SYCE2: variants seen among roughly 807,000 people sequenced by gnomAD.
SYCE2 encodes the protein central element synaptonemal complex 1.
A neutral mutation model predicts 27.9 loss-of-function variants in SYCE2; 3 were observed. The ratio of observed to expected loss-of-function variants is 0.11; its 90% CI spans 0.05 to 0.28. The LOEUF (loss-of-function observed/expected upper bound fraction) is 0.28, where lower values mean the gene tolerates loss of function less well. SYCE2 is among the 10% of genes least tolerant of loss of function. The pLI is 1.00. For synonymous variants in SYCE2, 85 were observed against 100.7 expected (o/e 0.84, Z 0.93); for missense variants, 207 against 263.5 (o/e 0.79, Z 1.48).
chr19:12,900,193 T>G, intron 4 of SYCE2, 73 bp from the exon 5 acceptor site: 1 of 1,517,930 alleles, frequency 6.6e-7, no homozygotes, highest in Non-Finnish European at 8.9e-7. Flanking sequence ...GATTTCTGAG[T>G]GGCAGGGGTG....
intron 2 of SYCE2, among the ~76,000 whole-genome samples, chr19:12,905,083 G>A (rs1970909493): frequency 6.6e-6 from 1 of 151,976 alleles, no homozygotes; most frequent in African/African-American, 2.4e-5. Flanking sequence ...TCAGGTGGGA[G>A]GGGACCCGCG....
chr19:12,900,198 G>A, intron 4 of SYCE2, 78 bp from the exon 5 acceptor site: 1 of 1,496,474 alleles, frequency 6.7e-7, no homozygotes, highest in Non-Finnish European at 9.0e-7. Context: ...CTGAGTGGCA[G>A]GGGTGCAAGG....
At chr19:12,904,756 C>A in intron 2 of SYCE2, 90 bp from the exon 3 acceptor site, 1 of 1,447,490 alleles carries the variant, frequency 6.9e-7, no homozygotes, top group Non-Finnish European at 9.4e-7. Flanking sequence ...AATCTCAGCA[C>A]TTTGTAGGCC....
intron 2 of SYCE2, among the ~76,000 whole-genome samples, chr19:12,913,427 T>C (rs1163148438): frequency 6.6e-6 from 1 of 152,132 alleles, no homozygotes; most frequent in Non-Finnish European, 1.5e-5. Context: ...CAGCCACTTA[T>C]GACCACCGAG....
chr19:12,917,542 T>G (rs1971158812), intron 2 of SYCE2, among the ~76,000 whole-genome samples: 1 of 151,170 alleles, frequency 6.6e-6, no homozygotes, highest in South Asian at 2.1e-4. Flanking sequence ...TCTGTATTTT[T>G]AGTAGAGACG....
Position 12,918,272 on chromosome 19 carries a change from A to G in SYCE2, c.81T>C (p.His27=). Residue 27 remains histidine, a synonymous_variant, in exon 2 of 6, where the codon CAT becomes CAC. Transcript: ENST00000293695. ...EPQPLGESKE[H]PRWEENCEEE... Reference sequence around the variant, plus strand: ...CCTCGCAGTTCTCTTCCCACCGCGGATGCTCCTTGCTCTCCCCCAAGGGCT... The same window carrying G: ...CCTCGCAGTTCTCTTCCCACCGCGGGTGCTCCTTGCTCTCCCCCAAGGGCT... 3 of 1,614,092 alleles carry G rather than the reference A, an allele frequency of 1.9e-6. No homozygotes were observed. Among genetic ancestry groups the G allele is most frequent in the Non-Finnish European group, 2.5e-6 (3 of 1,179,998 alleles).
chr19:12,914,377 G>A (rs1325219876), intron 2 of SYCE2, among the ~76,000 whole-genome samples: 1 of 152,136 alleles, frequency 6.6e-6, no homozygotes, highest in East Asian at 1.9e-4. Context: ...ATGCCAAGTT[G>A]GGAAGAGATG....
intron 2 of SYCE2, among the ~76,000 whole-genome samples, chr19:12,912,273 A>G (rs1476650177): frequency 1.3e-5 from 2 of 151,682 alleles, no homozygotes; most frequent in Non-Finnish European, 2.9e-5. Flanking sequence ...CATCTGCAGC[A>G]ATTGGGGACC....
rs1301300293 is a variant in SYCE2, at chr19:12,900,666, G to A, written c.307-18C>T. On this transcript the variant is annotated intron_variant, in intron 3 of 5. Transcript: ENST00000293695. ...TCCGAAACCTGTTAAACAATAAGAT[G>A]TGTTCTCGGAAAATCAAACAAGAGG... 3 of 1,603,852 alleles carry A rather than the reference G, an allele frequency of 1.9e-6. No homozygotes were observed. Among genetic ancestry groups the A allele is most frequent in the African/African-American group, 1.3e-5 (1 of 74,606 alleles).
chr19:12,900,587 T>G lies in SYCE2; in HGVS notation c.368A>C (p.Lys123Thr). The G allele has an allele frequency of 1.2e-6, 2 of 1,614,180 alleles. No homozygotes were observed. The highest frequency in any genetic ancestry group is 8.5e-7 in the Non-Finnish European group (1 of 1,180,030). ...RIYQIYNDHN[K>T]IIQEKLQEFT... ...CTCTTGGAGCTTTTCCTGGATGATCTTGTTGTGGTCATTATAAATCTGATA... is the reference window on the plus strand; with the variant it reads ...CTCTTGGAGCTTTTCCTGGATGATCGTGTTGTGGTCATTATAAATCTGATA... Residue 123 changes from lysine (K) to threonine (T), a missense_variant, in exon 4 of 6, where the codon AAG (lysine) becomes ACG (threonine). Transcript: ENST00000293695.
At chr19:12,901,212 A>T (rs1180826373) in intron 3 of SYCE2, among the ~76,000 whole-genome samples, 6 of 151,336 alleles carry the variant, frequency 4.0e-5, no homozygotes, top group African/African-American at 1.5e-4. Flanking sequence ...AAATAAATAC[A>T]CAAATACATA....
At chr19:12,914,418 G>A (rs1036768508) in intron 2 of SYCE2, among the ~76,000 whole-genome samples, 1 of 152,040 alleles carries the variant, frequency 6.6e-6, no homozygotes, top group Non-Finnish European at 1.5e-5. Context: ...GCCGGTAGGA[G>A]CTGGCCCCAG....
At chr19:12,917,929 G>A (rs1254431664) in intron 2 of SYCE2, among the ~76,000 whole-genome samples, 1 of 152,088 alleles carries the variant, frequency 6.6e-6, no homozygotes, top group African/African-American at 2.4e-5. Flanking sequence ...AAAGTGTTGG[G>A]ATTACAGGTG....
intron 3 of SYCE2, 83 bp downstream of exon 3, chr19:12,904,409 G>C (rs1255948946): frequency 3.2e-6 from 5 of 1,539,418 alleles, no homozygotes; most frequent in Non-Finnish European, 4.5e-6. Context: ...CACCGTGCCT[G>C]GTGTACAACA....
intron 1 of SYCE2, 32 bp downstream of exon 1, chr19:12,919,211 C>T (rs1054253499): frequency 4.0e-5 from 64 of 1,609,934 alleles, no homozygotes; most frequent in Non-Finnish European, 4.7e-5. Flanking sequence ...TCCGCCCGCC[C>T]CACGCGCGAG....
intron 2 of SYCE2, among the ~76,000 whole-genome samples, chr19:12,910,372 G>C (rs1406654906): frequency 2.6e-5 from 4 of 151,690 alleles, no homozygotes; most frequent in Middle Eastern, 3.2e-3. Context: ...TTTTGAGACA[G>C]ACTCTCACTC....
chr19:12,915,760 G>A (rs975790564), intron 2 of SYCE2, among the ~76,000 whole-genome samples: 8 of 151,748 alleles, frequency 5.3e-5, no homozygotes, highest in African/African-American at 7.3e-5. Flanking sequence ...TACCCCACTC[G>A]CTCGCCTAGC....
At chr19:12,902,388 T>C (rs1438709076) in intron 3 of SYCE2, among the ~76,000 whole-genome samples, 1 of 152,070 alleles carries the variant, frequency 6.6e-6, no homozygotes, top group Non-Finnish European at 1.5e-5. Context: ...TTTTTGTATC[T>C]TTTCTACTAG....
intron 2 of SYCE2, among the ~76,000 whole-genome samples, chr19:12,916,645 C>T (rs527852584): frequency 6.6e-6 from 1 of 152,302 alleles, no homozygotes; most frequent in Non-Finnish European, 1.5e-5. Flanking sequence ...CTTGCTCTTC[C>T]AGTGCAGTGA....
Sources: allele counts gnomAD v4.1 joint callset (sites outside exome capture counted in the v4.1 genomes callset), GRCh38; gene constraint gnomAD v4.1.1; transcripts MANE v1.5; gene names NCBI Gene and HGNC (gene_info 2026-07-23, HGNC 2026-07-21).